AKAP9: variants seen among roughly 807,000 people sequenced by gnomAD.
AKAP9 encodes A-kinase anchoring protein 9, also known as A-kinase anchor protein 9.
A neutral mutation model predicts 488.5 loss-of-function variants in AKAP9; 311 were observed. The ratio of observed to expected loss-of-function variants is 0.64; its 90% confidence interval spans 0.58 to 0.70. The LOEUF (loss-of-function observed/expected upper bound fraction) is 0.70. Ranked by LOEUF, AKAP9 falls within the 30% of genes least tolerant of loss-of-function variation. AKAP9 has a pLI of 0.00. For synonymous variants in AKAP9, 1,462 were observed against 1,483.5 expected, an observed-to-expected ratio of 0.99 and a Z score of 0.33; for missense variants, 4,215 against 4,374.5, an observed-to-expected ratio of 0.96 and a Z score of 1.03.
chr7:92,038,462 T>C lies in AKAP9; in HGVS notation c.4382T>C (p.Leu1461Pro). 6.2e-7 allele frequency: 1 copy of C among 1,613,942 alleles called. No individual in the cohort carries two copies. ...ATAGCATTTGCTCAACAAACTGAAC[T>C]GTCTAGAATATCTGGGGGAAAAGAA... The part of the protein sequence containing the change: ...MSIAFAQQTE[L>P]SRISGGKENT... Residue 1461 changes from leucine (L) to proline (P), a missense_variant, in exon 17 of 50, where the codon CTG (leucine) becomes CCG (proline). By Grantham distance (98) the Leu-to-Pro change is moderately conservative. Transcript: ENST00000356239.
In AKAP9 at chr7:92,070,398, GTTGTTGTTTTGTTTTGTT is replaced by G. The variant is rs141759223; in HGVS notation, c.6507+198_6507+215del. 0.036 allele frequency among the ~76,000 whole-genome samples: 5,089 copies of G among 142,376 alleles called. 250 individuals are homozygous for G. Among genetic ancestry groups the G allele is most frequent in the African/African-American group, 0.12 (4,652 of 37,750 alleles). 93.4% of individuals were successfully genotyped at this position (142,376 alleles called of 152,430 possible). A position where few individuals can be genotyped will look rare whatever the true frequency, so the allele number is the denominator to read the frequency against. ...GAGAAGGGAAGAGTTTTTTGTTGTT[GTTGTTGTTTTGTTTTGTT>G]TTGTTTTGTTTTGTTTTGTTTTGTT... On this transcript the variant is annotated intron_variant, in intron 27 of 49. Transcript: ENST00000356239.
At chr7:91,995,455 C>T (rs1798280372) in intron 6 of AKAP9, 148 bp from the exon 7 acceptor site, 1 of 660,260 alleles carries the variant, frequency 1.5e-6, no homozygotes, top group Non-Finnish European at 2.6e-6. Flanking sequence ...CTTGGGTATA[C>T]CTATCTAGTC....
chr7:92,102,642 A>C lies in AKAP9; in HGVS notation c.11146A>C (p.Ile3716Leu), dbSNP rs1165769566. 1 of 1,614,236 alleles carries C rather than the reference A, an allele frequency of 6.2e-7. No individual in the cohort carries two copies. Among genetic ancestry groups the C allele is most frequent in the Admixed American group, 1.7e-5 (1 of 60,032 alleles). The change falls in exon 46 of 50, where the codon ATT becomes CTT. Residue 3716 changes from isoleucine (I) to leucine (L), a missense_variant. By Grantham distance (5) the Ile-to-Leu change is conservative (BLOSUM62 2). Transcript: ENST00000356239. The stretch of plus-strand genomic sequence containing the variant: ...GGCAGAAAGTTTTCGAAAGGCTCTC[A>C]TTTACCAGAAGAAATACCTGCTGCT... ...LRAESFRKAL[I>L]YQKKYLLLLL...
rs752395795 is a variant in AKAP9 at position 92,079,451 on chromosome 7, G to A, written c.7318G>A (p.Val2440Met). 4 of 1,613,942 alleles carry A rather than the reference G, an allele frequency of 2.5e-6. No individual in the cohort carries two copies. The highest frequency in any genetic ancestry group is 1.3e-5 in the African/African-American group (1 of 74,936). The change falls in exon 31 of 50, where the codon GTG becomes ATG. Residue 2440 changes from valine (V) to methionine (M), a missense_variant. Physicochemically the swap from Val to Met is conservative, Grantham distance 21. Transcript: ENST00000356239. ...LFSLKRERES[V>M]EKIQSIPENS... is the part of the protein sequence containing the mutation. ...CAGCTTAAAGAGAGAACGTGAAAGT[G>A]TGGAAAAGATTCAAAGCATACCAGA... is the stretch of plus-strand genomic sequence containing the variant.
Position 92,079,135 on chromosome 7 carries a change from G to A in AKAP9, c.7002G>A (p.Leu2334=). 6.2e-7 allele frequency: 1 copy of A among 1,613,610 alleles called. No homozygotes were observed. The highest frequency in any genetic ancestry group is 1.3e-5 in the African/African-American group (1 of 75,006). The change falls in exon 31 of 50, where the codon TTG becomes TTA. Residue 2334 remains leucine, a synonymous_variant. Coordinates refer to ENST00000356239, the MANE Select transcript of AKAP9 (RefSeq NM_005751.5). ...IRDLETQIEC[L]MSDQECVKRN... is the part of the protein sequence containing the mutation. ...ATCTTGAAACCCAAATAGAATGTTTGATGAGTGATCAAGAATGTGTGAAGA... is the reference window on the plus strand; with the variant it reads ...ATCTTGAAACCCAAATAGAATGTTTAATGAGTGATCAAGAATGTGTGAAGA...
Position 92,082,559 on chromosome 7 carries a change from G to T in AKAP9, c.8057G>T (p.Gly2686Val). The T allele has an allele frequency of 6.2e-7, 1 of 1,613,836 alleles. No individual in the cohort carries two copies. Among genetic ancestry groups the T allele is most frequent in the Non-Finnish European group, 8.5e-7 (1 of 1,179,866 alleles). Residue 2686 changes from glycine to valine, a missense_variant, in exon 32 of 50, where the codon GGA becomes GTA. Transcript: ENST00000356239. ...CTATTTCATAGCAATGAAGAAAGTGGATTTTTTAATGAACTCGAGGCTCTT... is the reference window on the plus strand; with the variant it reads ...CTATTTCATAGCAATGAAGAAAGTGTATTTTTTAATGAACTCGAGGCTCTT... ...TELFHSNEES[G>V]FFNELEALRA...
At chr7:92,016,085 T>G in intron 10 of AKAP9, 44 bp from the exon 11 acceptor site, 1 of 1,525,032 alleles carries the variant, frequency 6.6e-7, no homozygotes, top group Non-Finnish European at 9.0e-7. Context: ...GAAGCAGAAA[T>G]CAAAATTTAA....
At chr7:91,975,727 G>T (rs901538544) in intron 2 of AKAP9, among the ~76,000 whole-genome samples, 7 of 150,620 alleles carry the variant, frequency 4.6e-5, no homozygotes, top group African/African-American at 1.7e-4. Flanking sequence ...AAGCATTCAG[G>T]TTTTTTTTTA....
chr7:92,002,408 G>A lies in AKAP9; in HGVS notation c.2491G>A (p.Asp831Asn), dbSNP rs770390293. 3 of 1,609,688 alleles carry A rather than the reference G, an allele frequency of 1.9e-6. No homozygotes were observed. Among genetic ancestry groups the A allele is most frequent in the East Asian group, 4.5e-5 (2 of 44,768 alleles). The change falls in exon 8 of 50, where the codon GAC (aspartate) becomes AAC (asparagine). Residue 831 changes from aspartate (D) to asparagine (N), a missense_variant. By Grantham distance (23) the Asp-to-Asn change is conservative. Transcript: ENST00000356239. The stretch of plus-strand genomic sequence containing the variant: ...AGAAATACTTATAGAGGAAAATGAG[G>A]ACCTCAAACAACAATGTATTCAGCT... ...EIEILIEENE[D>N]LKQQCIQLNE...
intron 3 of AKAP9, among the ~76,000 whole-genome samples, chr7:91,984,559 A>C (rs910941732): frequency 6.6e-6 from 1 of 152,158 alleles, no homozygotes; most frequent in African/African-American, 2.4e-5. Flanking sequence ...GAAGTCAGGT[A>C]GTGTGATGCC....
At chr7:92,089,347 A>G (rs1195665547) in intron 37 of AKAP9, 38 bp from the exon 38 acceptor site, 4 of 1,608,632 alleles carry the variant, frequency 2.5e-6, no homozygotes, top group Non-Finnish European at 3.4e-6. Context: ...TTGCCTTTAC[A>G]TTGCTCTTCA....
Position 92,002,091 on chromosome 7 carries a change from A to C in AKAP9, c.2174A>C (p.Gln725Pro). 1 of 1,594,050 alleles carries C rather than the reference A, an allele frequency of 6.3e-7. No individual in the cohort carries two copies. Among genetic ancestry groups the C allele is most frequent in the Non-Finnish European group, 8.5e-7 (1 of 1,174,646 alleles). ...EEMTLQINEL[Q>P]KEIEILRQEE... ...ATGACTCTTCAAATCAATGAACTTCAAAAAGAAATTGAAATACTCAGACAA... is the reference window on the plus strand; with the variant it reads ...ATGACTCTTCAAATCAATGAACTTCCAAAAGAAATTGAAATACTCAGACAA... Residue 725 changes from glutamine to proline, a missense_variant, in exon 8 of 50, where the codon CAA becomes CCA. By Grantham distance (76) the Gln-to-Pro change is moderately conservative. Around this residue, in one of 5 missense-constraint regions of AKAP9, gnomAD observed 2,361 missense variants for 2,430.0 expected, o/e 0.97. Coordinates refer to ENST00000356239, the MANE Select transcript of AKAP9 (RefSeq NM_005751.5).
At position 92,089,420 on chromosome 7, in the gene AKAP9, G is replaced by C. The variant is rs1212390168; in HGVS notation, c.9249G>C (p.Gln3083His). 1 of 1,612,092 alleles carries C rather than the reference G, an allele frequency of 6.2e-7. No individual in the cohort carries two copies. Among genetic ancestry groups the C allele is most frequent in the Admixed American group, 1.7e-5 (1 of 60,008 alleles). Reference sequence around the variant, plus strand: ...ATCAAGCAGCTATGGAATGCCTCCAGAAAGCAGATAGAAGGAGTTTGTTAT... The same window carrying C: ...ATCAAGCAGCTATGGAATGCCTCCACAAAGCAGATAGAAGGAGTTTGTTAT... ...VEYQAAMECL[Q>H]KADRRSLLSE... The change falls in exon 38 of 50, where the codon CAG becomes CAC. Residue 3083 changes from glutamine to histidine, a missense_variant. Transcript: ENST00000356239.
intron 43 of AKAP9, among the ~76,000 whole-genome samples, chr7:92,099,159 T>C (rs182728738): frequency 6.6e-6 from 1 of 152,300 alleles, no homozygotes; most frequent in East Asian, 1.9e-4. Context: ...AGTCACTAAA[T>C]CCTGTCCCTC....
intron 38 of AKAP9, 52 bp from the exon 39 acceptor site, chr7:92,093,045 C>A: frequency 1.4e-6 from 2 of 1,469,994 alleles, no homozygotes; most frequent in Non-Finnish European, 9.5e-7. Context: ...TATTTATAAA[C>A]CAAATATGAG....
chr7:91,982,313 G>A (rs1201464533), intron 3 of AKAP9, among the ~76,000 whole-genome samples: 1 of 151,848 alleles, frequency 6.6e-6, no homozygotes, highest in Non-Finnish European at 1.5e-5. Context: ...TTTACATTAG[G>A]TATATCTCCT....
At chr7:91,986,479 G>A (rs1034489887) in intron 3 of AKAP9, among the ~76,000 whole-genome samples, 15 of 152,266 alleles carry the variant, frequency 9.9e-5, no homozygotes, top group East Asian at 9.7e-4. Flanking sequence ...CTTCTGTGTC[G>A]CTCACGCTGG....
chr7:91,944,648 A>G (rs1791205108), intron 1 of AKAP9, among the ~76,000 whole-genome samples: 1 of 152,140 alleles, frequency 6.6e-6, no homozygotes, highest in Admixed American at 6.5e-5. Context: ...CGACCTCCCA[A>G]AGTGCTGGGA....
At chr7:91,954,567 C>T (rs537784910) in intron 1 of AKAP9, among the ~76,000 whole-genome samples, 16 of 152,262 alleles carry the variant, frequency 1.1e-4, no homozygotes, top group Non-Finnish European at 1.9e-4. Context: ...TGTGCCCAGC[C>T]CCAGTAAATA....
Sources: allele counts gnomAD v4.1 joint callset (sites outside exome capture counted in the v4.1 genomes callset), GRCh38; gene constraint gnomAD v4.1.1; regional missense constraint gnomAD v4.1.1; transcripts MANE v1.5; gene names NCBI Gene and HGNC (gene_info 2026-07-23, HGNC 2026-07-21).